Variants in DOCK2 observed in about 807,000 individuals in gnomAD.
The protein encoded by DOCK2 is dedicator of cytokinesis 2.
In DOCK2, 87 loss-of-function variants were observed where a neutral mutation model predicts 248.9. That is an observed-to-expected ratio of 0.35 (90% CI 0.29 to 0.42). The LOEUF (loss-of-function observed/expected upper bound fraction) is 0.42, where lower values mean the gene tolerates loss of function less well. DOCK2 is among the 10% of genes least tolerant of loss of function. DOCK2 has a pLI of 1.00. For synonymous variants in DOCK2, 805 were observed against 821.6 expected (o/e 0.98, Z 0.35); for missense variants, 1,747 against 2,300.2 (o/e 0.76, Z 4.92).
intron 27 of DOCK2, among the ~76,000 whole-genome samples, chr5:169,941,817 C>T (rs1289999708): frequency 6.6e-6 from 1 of 152,176 alleles, no homozygotes; most frequent in African/African-American, 2.4e-5. Context: ...CAGGGGCATT[C>T]CCCTCCAGAA....
At chr5:169,821,555 C>T (rs1214055362) in intron 26 of DOCK2, among the ~76,000 whole-genome samples, 1 of 152,124 alleles carries the variant, frequency 6.6e-6, no homozygotes, top group Non-Finnish European at 1.5e-5. Context: ...AAATCCTTTA[C>T]AGACAAGCAA....
chr5:169,778,925 G>T (rs753881774), intron 25 of DOCK2, among the ~76,000 whole-genome samples: 10 of 152,134 alleles, frequency 6.6e-5, no homozygotes, highest in Non-Finnish European at 1.2e-4. Context: ...TAAGTCTAAA[G>T]AAGTATGTGG....
intron 26 of DOCK2, among the ~76,000 whole-genome samples, chr5:169,837,060 A>G (rs425937): frequency 0.46 from 70,321 of 151,890 alleles, 17,073 homozygotes; most frequent in African/African-American, 0.62. Context: ...GACCCTGCCT[A>G]GTCCCCATCC....
At chr5:169,682,579 G>T (rs751333233) in intron 7 of DOCK2, among the ~76,000 whole-genome samples, 6 of 152,208 alleles carry the variant, frequency 3.9e-5, no homozygotes, top group Non-Finnish European at 8.8e-5. Context: ...AGATTTCAAG[G>T]AAAGGTTAAC....
At chr5:170,008,332 A>G (rs1755146389) in intron 30 of DOCK2, among the ~76,000 whole-genome samples, 165 bp from the exon 31 acceptor site, 1 of 152,092 alleles carries the variant, frequency 6.6e-6, no homozygotes, top group South Asian at 2.1e-4. Flanking sequence ...TTTGGCCAGG[A>G]TGTTAATTTC....
At chr5:170,024,813 A>C (rs143135702) in intron 33 of DOCK2, among the ~76,000 whole-genome samples, 1 of 152,168 alleles carries the variant, frequency 6.6e-6, no homozygotes, top group Non-Finnish European at 1.5e-5. Context: ...CCTGACTGAG[A>C]CCTTACCCCT....
At chr5:169,808,595 C>CT (rs397767535) in intron 26 of DOCK2, among the ~76,000 whole-genome samples, 1 of 151,918 alleles carries the variant, frequency 6.6e-6, no homozygotes, top group Non-Finnish European at 1.5e-5. Flanking sequence ...TTTCTCCCCC[C>CT]TCACTGAGCA....
In DOCK2 at chr5:169,721,411, A is replaced by G. The variant is rs952803379; in HGVS notation, c.2267+2620A>G. Among the ~76,000 whole-genome samples, 6 of 152,280 alleles carry G rather than the reference A, an allele frequency of 3.9e-5. No individual in the cohort carries two copies. The East Asian group carries it at 1.2e-3, about 29-fold the overall frequency. ...GGTTTTGTGTCTTGTTCTTTTTAGAATCTTTAGCAATGATCTGCTCTCCAG... is the reference window on the plus strand; with the variant it reads ...GGTTTTGTGTCTTGTTCTTTTTAGAGTCTTTAGCAATGATCTGCTCTCCAG... On this transcript the variant is annotated intron_variant, in intron 22 of 51. Transcript: ENST00000520908.
At chr5:169,872,830 C>G (rs1772070737) in intron 27 of DOCK2, among the ~76,000 whole-genome samples, 1 of 152,202 alleles carries the variant, frequency 6.6e-6, no homozygotes, top group Non-Finnish European at 1.5e-5. Flanking sequence ...ATCACTTAAC[C>G]TCTCTGAGCC....
chr5:169,879,670 G>A (rs1292193770), intron 27 of DOCK2, among the ~76,000 whole-genome samples: 2 of 152,200 alleles, frequency 1.3e-5, no homozygotes, highest in Non-Finnish European at 2.9e-5. Flanking sequence ...TCTCAGACAT[G>A]TTGGAAGGTC....
rs778027604 is a variant in DOCK2 at position 169,803,143 on chromosome 5, G to A, written c.2640G>A (p.Leu880=). The stretch of plus-strand genomic sequence containing the variant: ...AGGATGACATGCAACACCAGGTCCT[G>A]GAGAGGAAGTACTGCGTTGAATTGC... ...EQKDDMQHQV[L]ERKYCVELLN... The change falls in exon 26 of 52, where the codon CTG becomes CTA. Residue 880 remains leucine, a synonymous_variant. Transcript: ENST00000520908. 1.2e-5 allele frequency: 19 copies of A among 1,614,066 alleles called. 1 individual carries two copies. In the South Asian group the frequency reaches 2.0e-4, roughly 17 times the overall value.
intron 26 of DOCK2, among the ~76,000 whole-genome samples, chr5:169,804,765 A>G (rs1456437954): frequency 2.0e-5 from 3 of 152,194 alleles, no homozygotes; most frequent in Non-Finnish European, 4.4e-5. Context: ...GTCAAAATTC[A>G]AACACAGGTC....
chr5:169,847,234 T>C (rs1254906469), intron 27 of DOCK2, among the ~76,000 whole-genome samples: 3 of 152,240 alleles, frequency 2.0e-5, no homozygotes, highest in African/African-American at 7.2e-5. Flanking sequence ...CTAGATTGAA[T>C]GGTAGATCTA....
At chr5:169,696,451 T>C (rs1760632067) in intron 10 of DOCK2, among the ~76,000 whole-genome samples, 1 of 152,222 alleles carries the variant, frequency 6.6e-6, no homozygotes, top group African/African-American at 2.4e-5. Context: ...TTAGCTCTCC[T>C]GGGGTTTCTA....
intron 15 of DOCK2, among the ~76,000 whole-genome samples, chr5:169,710,420 A>T (rs896432548): frequency 2.0e-5 from 3 of 152,236 alleles, no homozygotes; most frequent in African/African-American, 7.2e-5. Context: ...TTGCAAGCCA[A>T]TGTGAGCCTA....
rs570534517 is a variant in DOCK2 at position 169,673,405 on chromosome 5, G to T, written c.322-892G>T. Reference sequence around the variant, plus strand: ...AGTGTGTATATATATATATTTTTTTGTTGTTGTTTTTTTAATTATACCACC... The same window carrying T: ...AGTGTGTATATATATATATTTTTTTTTTGTTGTTTTTTTAATTATACCACC... On this transcript the variant is annotated intron_variant, in intron 5 of 51. Coordinates refer to ENST00000520908, the MANE Select transcript of DOCK2 (RefSeq NM_004946.3). 2.9e-4 allele frequency among the ~76,000 whole-genome samples: 44 copies of T among 151,608 alleles called. No individual in the cohort carries two copies. In the South Asian group the frequency reaches 5.0e-3, roughly 17 times the overall value.
Position 170,027,072 on chromosome 5 carries a change from A to G in DOCK2, c.3382-791A>G, listed in dbSNP as rs566769182. 7.9e-5 allele frequency among the ~76,000 whole-genome samples: 12 copies of G among 151,714 alleles called. No homozygotes were observed. In the South Asian group the frequency reaches 2.5e-3, roughly 32 times the overall value. On this transcript the variant is annotated intron_variant, in intron 33 of 51. Transcript: ENST00000520908. Reference sequence around the variant, plus strand: ...ATCTTCCCCTCTCTGCTTGCCCTGTATTGGTGTAATTCTCAGACAGACTCG... The same window carrying G: ...ATCTTCCCCTCTCTGCTTGCCCTGTGTTGGTGTAATTCTCAGACAGACTCG...
intron 32 of DOCK2, among the ~76,000 whole-genome samples, chr5:170,013,382 T>C (rs1755382785): frequency 6.6e-6 from 1 of 151,910 alleles, no homozygotes; most frequent in Admixed American, 6.5e-5. Context: ...AAGGAGACTT[T>C]AAGGTGTGAT....
chr5:169,981,944 C>T (rs932799955), intron 27 of DOCK2, among the ~76,000 whole-genome samples: 6 of 151,746 alleles, frequency 4.0e-5, no homozygotes, highest in African/African-American at 7.3e-5. Context: ...CACTTTATTG[C>T]GGTGGTCTGG....
Sources: allele counts gnomAD v4.1 joint callset (sites outside exome capture counted in the v4.1 genomes callset), GRCh38; gene constraint gnomAD v4.1.1; transcripts MANE v1.5; gene names NCBI Gene and HGNC (gene_info 2026-07-23, HGNC 2026-07-21).